The following LRRC4C variants were observed in gnomAD, a reference collection of about 807,000 sequenced individuals.
LRRC4C encodes the protein leucine-rich repeat-containing protein 4C.
LRRC4C carries 5 observed loss-of-function variants against 33.6 expected under a neutral mutation model. That is an observed-to-expected ratio of 0.15 (90% CI 0.08 to 0.31). LRRC4C has a LOEUF of 0.31. Ranked by LOEUF, LRRC4C falls within the 10% of genes least tolerant of loss-of-function variation. The pLI, the probability that LRRC4C is intolerant of heterozygous loss-of-function variation, is 1.00. For synonymous variants in LRRC4C, 329 were observed against 302.0 expected (o/e 1.09, Z -0.93); for missense variants, 560 against 796.7 (o/e 0.70, Z 3.58).
intron 2 of LRRC4C, among the ~76,000 whole-genome samples, chr11:40,683,881 A>C (rs1404197739): frequency 6.6e-6 from 1 of 152,212 alleles, no homozygotes; most frequent in Non-Finnish European, 1.5e-5. Flanking sequence ...CTAAAACGCC[A>C]GGCTTGCTGC....
At chr11:41,284,881 G>A (rs981795301) in intron 1 of LRRC4C, among the ~76,000 whole-genome samples, 2 of 152,102 alleles carry the variant, frequency 1.3e-5, no homozygotes, top group Admixed American at 6.6e-5. Context: ...CCTGAAAATA[G>A]CACAAAAACA....
In LRRC4C at chr11:41,059,151, T is replaced by C. The variant is rs140978632; in HGVS notation, c.-495-125428A>G. On this transcript the variant is annotated intron_variant, in intron 1 of 6. Coordinates refer to ENST00000528697, the MANE Select transcript of LRRC4C (RefSeq NM_001258419.2). Reference sequence around the variant, plus strand: ...TGAAATAATCAGCACCAAACCCTAATGACATAAAATTTGCCTATATAAGGA... The same window carrying C: ...TGAAATAATCAGCACCAAACCCTAACGACATAAAATTTGCCTATATAAGGA... 5.2e-3 allele frequency among the ~76,000 whole-genome samples: 774 copies of C among 149,430 alleles called. 6 individuals are homozygous for C. The highest frequency in any genetic ancestry group is 0.018 in the African/African-American group (743 of 40,828).
intron 2 of LRRC4C, among the ~76,000 whole-genome samples, chr11:40,712,888 C>A (rs1457870535): frequency 6.6e-6 from 1 of 151,068 alleles, no homozygotes; most frequent in Non-Finnish European, 1.5e-5. Context: ...TTCTTTCTTT[C>A]TTTCTTTTTT....
chr11:40,330,877 A>T (rs996333129), intron 3 of LRRC4C, among the ~76,000 whole-genome samples: 2 of 152,158 alleles, frequency 1.3e-5, no homozygotes, highest in Admixed American at 6.5e-5. Context: ...AAAATACAAG[A>T]TAAATTACTG....
In LRRC4C at chr11:40,867,696, T is replaced by A. The variant is rs112998770; in HGVS notation, c.-407+65939A>T. On this transcript the variant is annotated intron_variant, in intron 2 of 6. Coordinates refer to ENST00000528697, the MANE Select transcript of LRRC4C (RefSeq NM_001258419.2). Reference sequence around the variant, plus strand: ...GATTTTATTCAGGGCCTTCCGTCAATATACTTATGATGCTAAGACGGAAAT... The same window carrying A: ...GATTTTATTCAGGGCCTTCCGTCAAAATACTTATGATGCTAAGACGGAAAT... 2.2e-3 allele frequency among the ~76,000 whole-genome samples: 334 copies of A among 152,308 alleles called. 3 individuals are homozygous for A. The highest frequency in any genetic ancestry group is 7.6e-3 in the African/African-American group (314 of 41,574).
chr11:40,966,053 G>A (rs1379050297), intron 1 of LRRC4C, among the ~76,000 whole-genome samples: 2 of 151,922 alleles, frequency 1.3e-5, no homozygotes, highest in Non-Finnish European at 2.9e-5. Context: ...ATTGAGCAGT[G>A]GTTTGTAGTT....
chr11:40,422,226 T>A (rs1950546725), intron 3 of LRRC4C, among the ~76,000 whole-genome samples: 1 of 152,162 alleles, frequency 6.6e-6, no homozygotes, highest in African/African-American at 2.4e-5. Context: ...AGTGTTCCAG[T>A]AACACGGAGG....
intron 1 of LRRC4C, among the ~76,000 whole-genome samples, chr11:41,236,480 A>G (rs1948027378): frequency 6.6e-6 from 1 of 152,110 alleles, no homozygotes; most frequent in South Asian, 2.1e-4. Context: ...AGCCACATGA[A>G]AAAGGATTTG....
intron 2 of LRRC4C, among the ~76,000 whole-genome samples, chr11:40,835,252 T>C (rs1298915196): frequency 1.3e-5 from 2 of 152,140 alleles, no homozygotes; most frequent in Admixed American, 1.3e-4. Flanking sequence ...AAAAAAGAGT[T>C]ACTAAAAGAA....
At chr11:41,341,357 A>G (rs549899069) in intron 1 of LRRC4C, among the ~76,000 whole-genome samples, 25 of 152,270 alleles carry the variant, frequency 1.6e-4, no homozygotes, top group African/African-American at 5.5e-4. Context: ...TTTCCTTATC[A>G]TCATTCTCTG....
At chr11:41,003,008 T>C (rs1182459802) in intron 1 of LRRC4C, among the ~76,000 whole-genome samples, 1 of 152,166 alleles carries the variant, frequency 6.6e-6, no homozygotes, top group African/African-American at 2.4e-5. Flanking sequence ...TAGTTATGTA[T>C]GTGTATAGTT....
intron 1 of LRRC4C, among the ~76,000 whole-genome samples, chr11:41,254,703 C>T (rs1948745211): frequency 6.6e-6 from 1 of 151,934 alleles, no homozygotes; most frequent in South Asian, 2.1e-4. Flanking sequence ...TTAAAACAGC[C>T]CCTGCTGAAA....
intron 2 of LRRC4C, among the ~76,000 whole-genome samples, chr11:40,706,129 A>C (rs11036031): frequency 0.34 from 50,880 of 151,804 alleles, 8,614 homozygotes; most frequent in East Asian, 0.44. Context: ...AGATGGGTAG[A>C]TTGCAAAAAT....
chr11:41,070,407 A>AT (rs1938590199), intron 1 of LRRC4C, among the ~76,000 whole-genome samples: 2 of 152,184 alleles, frequency 1.3e-5, no homozygotes, highest in Non-Finnish European at 1.5e-5. Context: ...AAAAGCCAAA[A>AT]TTAACAAATG....
intron 4 of LRRC4C, among the ~76,000 whole-genome samples, chr11:40,265,912 G>T (rs556078474): frequency 2.6e-4 from 39 of 152,282 alleles, no homozygotes; most frequent in African/African-American, 8.7e-4. Flanking sequence ...ATTTTAAACA[G>T]ATATAGACAG....
intron 1 of LRRC4C, among the ~76,000 whole-genome samples, chr11:40,989,335 G>A (rs1270537145): frequency 1.3e-5 from 2 of 152,116 alleles, no homozygotes; most frequent in African/African-American, 2.4e-5. Flanking sequence ...TTAAAAATGT[G>A]AATCCTCAAA....
chr11:40,854,679 T>C, intron 2 of LRRC4C, among the ~76,000 whole-genome samples: 1 of 151,740 alleles, frequency 6.6e-6, no homozygotes, highest in South Asian at 2.1e-4. Flanking sequence ...ATTAAAAATA[T>C]GTTTGTGTAA....
intron 1 of LRRC4C, among the ~76,000 whole-genome samples, chr11:41,385,945 G>T (rs12275601): frequency 0.014 from 2,127 of 151,572 alleles, 58 homozygotes; most frequent in African/African-American, 0.049. Context: ...TTACCTAATT[G>T]AAAACTGTGT....
chr11:40,386,307 A>G (rs899612775), intron 3 of LRRC4C, among the ~76,000 whole-genome samples: 1 of 152,162 alleles, frequency 6.6e-6, no homozygotes, highest in African/African-American at 2.4e-5. Flanking sequence ...TCAGGAGAAT[A>G]TAATAGAACT....
Sources: gnomAD v4.1 joint callset for allele counts (sites outside exome capture counted in the v4.1 genomes callset) on GRCh38, gnomAD v4.1.1 for gene constraint, MANE v1.5 for transcripts, NCBI Gene and HGNC (gene_info 2026-07-23, HGNC 2026-07-21) for gene names.